Variants in MKLN1 observed in about 807,000 individuals in gnomAD.
MKLN1 encodes muskelin.
A neutral mutation model predicts 99.0 loss-of-function variants in MKLN1; 18 were observed. The ratio of observed to expected loss-of-function variants is 0.18; its 90% CI spans 0.13 to 0.27. The LOEUF (loss-of-function observed/expected upper bound fraction) is 0.27, where lower values mean the gene tolerates loss of function less well. Ranked by LOEUF, MKLN1 falls within the 10% of genes least tolerant of loss-of-function variation. The pLI is 1.00. For synonymous variants in MKLN1, 288 were observed against 293.2 expected, an observed-to-expected ratio of 0.98 and a Z score of 0.18; for missense variants, 621 against 875.9, an observed-to-expected ratio of 0.71 and a Z score of 3.67.
At position 131,328,311 on chromosome 7, in the gene MKLN1, G is replaced by C. The variant is rs565436186; in HGVS notation, c.98+314G>C. ...GTTGAGGTTGAGGAGGGCTTGGGGG[G>C]CGGACGGCTCTGGGGCAGGAATCGG... On this transcript the variant is annotated intron_variant, in intron 1 of 17. Coordinates refer to ENST00000352689, the MANE Select transcript of MKLN1 (RefSeq NM_013255.5). 9.0e-4 allele frequency: 290 copies of C among 321,218 alleles called. 1 individual carries two copies. Among genetic ancestry groups the C allele is most frequent in the Middle Eastern group, 1.8e-3 (2 of 1,098 alleles). 19.9% of individuals were successfully genotyped at this position (321,218 alleles called of 1,614,324 possible). A position where few individuals can be genotyped will look rare whatever the true frequency, so the allele number is the denominator to read the frequency against.
intron 17 of MKLN1, among the ~76,000 whole-genome samples, chr7:131,485,647 G>A (rs1364831550): frequency 6.6e-6 from 1 of 152,108 alleles, no homozygotes; most frequent in African/African-American, 2.4e-5. Context: ...CTTCTGAGGT[G>A]ATGCACTGAG....
At chr7:131,299,773 G>A (rs913874614) in intron 3 of MKLN1, among the ~76,000 whole-genome samples, 5 of 152,154 alleles carry the variant, frequency 3.3e-5, no homozygotes, top group African/African-American at 1.2e-4. Context: ...GTTCGTTAAC[G>A]ATGTTAACGT....
At chr7:131,424,837 T>C (rs6961875) in intron 8 of MKLN1, among the ~76,000 whole-genome samples, 28,149 of 152,150 alleles carry the variant, frequency 0.19, 3,126 homozygotes, top group Admixed American at 0.32. Context: ...TCCTGTATGC[T>C]GCAAGTTCAG....
At chr7:131,432,573 G>A (rs1795556983) in intron 9 of MKLN1, among the ~76,000 whole-genome samples, 7 of 151,938 alleles carry the variant, frequency 4.6e-5, no homozygotes, top group Admixed American at 4.6e-4. Flanking sequence ...TCAGCCTCCC[G>A]AGTAGCTGGG....
intron 2 of MKLN1, among the ~76,000 whole-genome samples, chr7:131,170,282 C>T (rs536605459): frequency 1.0e-3 from 159 of 152,262 alleles, no homozygotes; most frequent in Admixed American, 2.4e-3. Flanking sequence ...ATGTTATACT[C>T]ATTTTTAGAT....
chr7:131,414,399 C>G (rs953412284), intron 7 of MKLN1, among the ~76,000 whole-genome samples: 3 of 151,892 alleles, frequency 2.0e-5, no homozygotes, highest in African/African-American at 7.3e-5. Flanking sequence ...TGGCATTGAT[C>G]ATAAATAAAT....
intron 2 of MKLN1, among the ~76,000 whole-genome samples, chr7:131,193,363 T>G (rs917824447): frequency 7.9e-5 from 12 of 152,096 alleles, no homozygotes; most frequent in Non-Finnish European, 1.6e-4. Context: ...TTTTTAAAAA[T>G]TATTATTATT....
intron 2 of MKLN1, among the ~76,000 whole-genome samples, chr7:131,188,110 T>C (rs1467798199): frequency 6.6e-6 from 1 of 152,172 alleles, no homozygotes; most frequent in Non-Finnish European, 1.5e-5. Context: ...TTTTAAAAAT[T>C]CACCATTAAG....
chr7:131,181,095 A>G (rs1796372124), intron 2 of MKLN1, among the ~76,000 whole-genome samples: 1 of 152,124 alleles, frequency 6.6e-6, no homozygotes, highest in Non-Finnish European at 1.5e-5. Flanking sequence ...TCCCATCACC[A>G]TTATTTTCCT....
At chr7:131,291,251 C>T (rs900339230) in intron 3 of MKLN1, among the ~76,000 whole-genome samples, 2 of 151,790 alleles carry the variant, frequency 1.3e-5, no homozygotes, top group African/African-American at 4.8e-5. Context: ...CTGCCTCAGC[C>T]TTCCAAGTAG....
chr7:131,441,533 A>G (rs1795840479), intron 10 of MKLN1, among the ~76,000 whole-genome samples: 1 of 152,204 alleles, frequency 6.6e-6, no homozygotes, highest in African/African-American at 2.4e-5. Flanking sequence ...TTGATGGAAA[A>G]GACATTATCA....
chr7:131,470,902 T>C lies in MKLN1; in HGVS notation c.1989T>C (p.Leu663=). 1 of 1,613,124 alleles carries C rather than the reference T, an allele frequency of 6.2e-7. No homozygotes were observed. Among genetic ancestry groups the C allele is most frequent in the Non-Finnish European group, 8.5e-7 (1 of 1,179,350 alleles). The change falls in exon 16 of 18, where the codon CTT becomes CTC. Residue 663 remains leucine (L), a synonymous_variant. Transcript: ENST00000352689. ...CTCTGAAATATTTACAAAATGATCT[T>C]TATATAACTGTGGATCATTCAGACC... ...LSALKYLQND[L]YITVDHSDPE...
intron 1 of MKLN1, among the ~76,000 whole-genome samples, chr7:131,126,286 A>C (rs1266328016): frequency 6.6e-6 from 1 of 152,124 alleles, no homozygotes; most frequent in Non-Finnish European, 1.5e-5. Flanking sequence ...TATTGAAGAC[A>C]ATGAATTATG....
intron 3 of MKLN1, among the ~76,000 whole-genome samples, chr7:131,204,547 T>A (rs1796777230): frequency 6.6e-6 from 1 of 152,192 alleles, no homozygotes; most frequent in Non-Finnish European, 1.5e-5. Flanking sequence ...AAGCTGCAAG[T>A]TAGGCCGGGT....
At chr7:131,174,438 C>T (rs542401531) in intron 2 of MKLN1, among the ~76,000 whole-genome samples, 2 of 152,168 alleles carry the variant, frequency 1.3e-5, no homozygotes, top group African/African-American at 4.8e-5. Flanking sequence ...GTTTTAAAAG[C>T]CTTCGAAAGT....
intron 2 of MKLN1, among the ~76,000 whole-genome samples, chr7:131,179,216 A>G (rs1339802821): frequency 6.6e-6 from 1 of 152,234 alleles, no homozygotes; most frequent in East Asian, 1.9e-4. Flanking sequence ...GGAAGATTAT[A>G]TTCCTCACTT....
intron 8 of MKLN1, among the ~76,000 whole-genome samples, chr7:131,419,207 A>C (rs1795115823): frequency 1.4e-5 from 2 of 147,850 alleles, no homozygotes; most frequent in East Asian, 3.9e-4. Flanking sequence ...TTTTCTGGGA[A>C]GATTCATTAC....
chr7:131,472,452 C>G (rs1337427388), intron 16 of MKLN1, among the ~76,000 whole-genome samples: 1 of 152,150 alleles, frequency 6.6e-6, no homozygotes, highest in African/African-American at 2.4e-5. Context: ...ATTTTGGTAG[C>G]TGGTTTCTGT....
At chr7:131,195,280 G>A (rs747294603) in intron 2 of MKLN1, among the ~76,000 whole-genome samples, 1 of 152,164 alleles carries the variant, frequency 6.6e-6, no homozygotes, top group Non-Finnish European at 1.5e-5. Context: ...GGAGACCGAG[G>A]CGGGTGGATC....
Sources: gnomAD v4.1 joint callset for allele counts (sites outside exome capture counted in the v4.1 genomes callset) on GRCh38, gnomAD v4.1.1 for gene constraint, MANE v1.5 for transcripts, NCBI Gene and HGNC (gene_info 2026-07-23, HGNC 2026-07-21) for gene names.